Variants in RYR2 observed in about 807,000 individuals in gnomAD.
RYR2 encodes the protein cardiac muscle ryanodine receptor-calcium release channel.
Under a neutral mutation model 601.1 loss-of-function variants are expected in RYR2, and 227 were observed. The ratio of observed to expected loss-of-function variants is 0.38; its 90% CI spans 0.34 to 0.42. The LOEUF is 0.42. RYR2 is among the 10% of genes least tolerant of loss of function. RYR2 has a pLI of 1.00. For synonymous variants in RYR2, 2,223 were observed against 2,175.1 expected (o/e 1.02, Z -0.61); for missense variants, 4,646 against 6,156.5 (o/e 0.75, Z 8.21).
At chr1:237,457,306 A>G (rs1193098879) in intron 16 of RYR2, among the ~76,000 whole-genome samples, 1 of 152,152 alleles carries the variant, frequency 6.6e-6, no homozygotes, top group African/African-American at 2.4e-5. Flanking sequence ...TACACCTGAC[A>G]TTGATTAAGC....
At position 237,408,291 on chromosome 1, in the gene RYR2, C is replaced by T. The variant is rs147146047; in HGVS notation, c.774-8758C>T. The stretch of plus-strand genomic sequence containing the variant: ...TCTACACATGTGTATAAAGTTGTTC[C>T]AGCACTGTTTGTTGAAAAGACTATA... On this transcript the variant is annotated intron_variant, in intron 10 of 104. Transcript: ENST00000366574. Among the ~76,000 whole-genome samples, 1,257 of 151,424 alleles carry T rather than the reference C, an allele frequency of 8.3e-3. 25 individuals carry two copies. The highest frequency in any genetic ancestry group is 0.029 in the African/African-American group (1,207 of 41,056).
At chr1:237,269,042 CTT>C (rs200563683) in intron 1 of RYR2, among the ~76,000 whole-genome samples, 42 of 113,162 alleles carry the variant, frequency 3.7e-4, no homozygotes, top group Admixed American at 4.6e-4. Context: ...ATAGCATATT[CTT>C]TTTTTTTTTT....
chr1:237,824,152 A>G (rs991699755), intron 101 of RYR2, among the ~76,000 whole-genome samples: 4 of 152,206 alleles, frequency 2.6e-5, no homozygotes, highest in African/African-American at 9.7e-5. Flanking sequence ...ATAGAAAAAG[A>G]GGGAATTCTC....
chr1:237,412,157 C>T (rs1477546536), intron 10 of RYR2, among the ~76,000 whole-genome samples: 2 of 151,806 alleles, frequency 1.3e-5, no homozygotes, highest in Admixed American at 1.3e-4. Context: ...AGTGGCTTGA[C>T]AACTGAGATA....
intron 35 of RYR2, among the ~76,000 whole-genome samples, chr1:237,607,245 C>T (rs548187470): frequency 5.3e-5 from 8 of 152,078 alleles, no homozygotes; most frequent in Middle Eastern, 3.4e-3. Context: ...TATCCAGCCA[C>T]GAAAAATGAT....
At chr1:237,622,856 T>G (rs1038986519) in intron 38 of RYR2, among the ~76,000 whole-genome samples, 1 of 152,218 alleles carries the variant, frequency 6.6e-6, no homozygotes. Context: ...TGGAGGGTCC[T>G]GGAACCAATA....
At chr1:237,378,030 G>A (rs1427798764) in intron 8 of RYR2, among the ~76,000 whole-genome samples, 1 of 152,180 alleles carries the variant, frequency 6.6e-6, no homozygotes, top group African/African-American at 2.4e-5. Context: ...ACCCAAAACT[G>A]GGCAATTTAC....
intron 19 of RYR2, among the ~76,000 whole-genome samples, chr1:237,495,301 T>G (rs1663949289): frequency 6.6e-6 from 1 of 152,122 alleles, no homozygotes; most frequent in African/African-American, 2.4e-5. Flanking sequence ...TGCTCAAATT[T>G]TCTCTCTTGA....
At chr1:237,090,460 A>T (rs1558215132) in intron 1 of RYR2, among the ~76,000 whole-genome samples, 1 of 152,114 alleles carries the variant, frequency 6.6e-6, no homozygotes, top group African/African-American at 2.4e-5. Context: ...AGACAGTTGA[A>T]GGTGCCACAT....
chr1:237,230,023 A>G (rs1355003006), intron 1 of RYR2, among the ~76,000 whole-genome samples: 3 of 152,140 alleles, frequency 2.0e-5, no homozygotes, highest in African/African-American at 7.2e-5. Context: ...TGCAATCTAG[A>G]TTATTTCTTT....
intron 12 of RYR2, among the ~76,000 whole-genome samples, chr1:237,429,512 A>AC (rs1706572174): frequency 6.6e-6 from 1 of 151,834 alleles, no homozygotes; most frequent in Non-Finnish European, 1.5e-5. Flanking sequence ...CTAAAGTGTC[A>AC]CCCCACCCCT....
intron 3 of RYR2, among the ~76,000 whole-genome samples, chr1:237,339,927 C>T (rs1411856041): frequency 2.6e-5 from 4 of 152,142 alleles, no homozygotes; most frequent in Non-Finnish European, 5.9e-5. Flanking sequence ...AATTTATTTA[C>T]TCGCAAGAGA....
intron 98 of RYR2, 65 bp downstream of exon 98, chr1:237,801,981 C>A: frequency 2.1e-6 from 2 of 933,992 alleles, no homozygotes; most frequent in Non-Finnish European, 3.5e-6. Context: ...GGGAGTTCTG[C>A]AGATGGAAGG....
At chr1:237,517,623 A>G (rs1355730024) in intron 24 of RYR2, among the ~76,000 whole-genome samples, 2 of 152,006 alleles carry the variant, frequency 1.3e-5, no homozygotes, top group African/African-American at 2.4e-5. Context: ...CCATGAAGCC[A>G]GGAACTATAA....
chr1:237,652,398 G>C (rs1447425635), intron 51 of RYR2, among the ~76,000 whole-genome samples: 1 of 151,974 alleles, frequency 6.6e-6, no homozygotes, highest in Non-Finnish European at 1.5e-5. Context: ...TATAGTGTTT[G>C]CATCAAAGTT....
In RYR2 at chr1:237,454,578, C is replaced by T. The variant is rs369442980; in HGVS notation, c.1476+4C>T. 2.1e-4 allele frequency: 337 copies of T among 1,611,920 alleles called. No individual in the cohort carries two copies. The highest frequency in any genetic ancestry group is 2.5e-4 in the Non-Finnish European group (289 of 1,178,760). ...GCAAAATCTCTTCCAGGAAGAGGTC[C>T]GTTTCTATCAACACTCATTTCTCTT... is the stretch of plus-strand genomic sequence containing the variant. On this transcript the variant is annotated splice_donor_region_variant and intron_variant, in intron 15 of 104. Coordinates refer to ENST00000366574, the MANE Select transcript of RYR2 (RefSeq NM_001035.3).
At chr1:237,232,046 G>T (rs1377238542) in intron 1 of RYR2, among the ~76,000 whole-genome samples, 1 of 152,200 alleles carries the variant, frequency 6.6e-6, no homozygotes, top group Non-Finnish European at 1.5e-5. Context: ...TTCTACTTGA[G>T]AAAATGTGAA....
chr1:237,207,185 A>G (rs951972290), intron 1 of RYR2, among the ~76,000 whole-genome samples: 1 of 151,778 alleles, frequency 6.6e-6, no homozygotes, highest in Admixed American at 6.6e-5. Flanking sequence ...GGGGTTGCCA[A>G]TGCGATAGTA....
chr1:237,156,320 A>G (rs887825832), intron 1 of RYR2, among the ~76,000 whole-genome samples: 3 of 152,204 alleles, frequency 2.0e-5, no homozygotes, highest in African/African-American at 7.2e-5. Context: ...TTTGTTATGT[A>G]CATTTTACCA....
Sources: allele counts gnomAD v4.1 joint callset (sites outside exome capture counted in the v4.1 genomes callset), GRCh38; gene constraint gnomAD v4.1.1; transcripts MANE v1.5; gene names NCBI Gene and HGNC (gene_info 2026-07-23, HGNC 2026-07-21).